LNPK: variants seen among roughly 807,000 people sequenced by gnomAD.
The protein encoded by LNPK is lunapark, ER junction formation factor.
LNPK carries 29 observed loss-of-function variants against 55.2 expected under a neutral mutation model. That is an observed-to-expected ratio of 0.53 (90% confidence interval 0.39 to 0.72). The LOEUF is 0.72. Ranked by LOEUF, LNPK falls within the 30% of genes least tolerant of loss-of-function variation. The pLI is 0.00. For synonymous variants in LNPK, 162 were observed against 168.2 expected, an observed-to-expected ratio of 0.96 and a Z score of 0.29; for missense variants, 467 against 494.8, an observed-to-expected ratio of 0.94 and a Z score of 0.53.
chr2:175,925,344 A>T lies in LNPK; in HGVS notation c.*4623T>A, dbSNP rs991368809. On this transcript the variant is annotated 3_prime_UTR_variant, in exon 13 of 13. Transcript: ENST00000272748. ...CAAGTGGAACGATTCCAATTCAATT[A>T]AACAGCTATTTTTATTTAGTGCCCC... The T allele has an allele frequency of 6.6e-6, 1 of 152,210 alleles. No individual in the cohort carries two copies. The highest frequency in any genetic ancestry group is 2.4e-5 in the African/African-American group (1 of 41,454). The allele number at this position is 152,210 out of a possible 1,614,324, so 9.4% of individuals were successfully genotyped here.
chr2:175,946,550 A>T (rs145048278), intron 9 of LNPK, among the ~76,000 whole-genome samples: 153 of 152,250 alleles, frequency 1.0e-3, no homozygotes, highest in African/African-American at 3.3e-3. Flanking sequence ...CTAAAATCTT[A>T]TGCTGCATTT....
At chr2:175,992,181 A>G (rs1559074870) in intron 4 of LNPK, 50 bp downstream of exon 4, 1 of 1,186,254 alleles carries the variant, frequency 8.4e-7, no homozygotes, top group Admixed American at 2.8e-5. Context: ...ATACATTAAG[A>G]CTCTCTAGTC....
rs1485353826 is a variant in LNPK, at chr2:175,926,847, CAT to C, written c.*3118_*3119del. ...TAACTCTATTTGATTAGATGAGAAA[CAT>C]AAACGGTTTGAATGTTCTGAAGGTT... On this transcript the variant is annotated 3_prime_UTR_variant, in exon 13 of 13. Coordinates refer to ENST00000272748, the MANE Select transcript of LNPK (RefSeq NM_030650.3). The C allele has an allele frequency of 1.3e-5, 2 of 152,126 alleles. No individual in the cohort carries two copies. Among genetic ancestry groups the C allele is most frequent in the Non-Finnish European group, 2.9e-5 (2 of 68,028 alleles). 9.4% of individuals were successfully genotyped at this position (152,126 alleles called of 1,614,324 possible). A position where few individuals can be genotyped will look rare whatever the true frequency, so the allele number is the denominator to read the frequency against.
intron 8 of LNPK, 65 bp from the exon 9 acceptor site, chr2:175,947,757 A>T: frequency 8.7e-7 from 1 of 1,149,696 alleles, no homozygotes; most frequent in Non-Finnish European, 1.2e-6. Context: ...TATCACAAAC[A>T]ATTTATATTT....
intron 8 of LNPK, among the ~76,000 whole-genome samples, chr2:175,951,590 T>TAA (rs1452739132): frequency 3.3e-5 from 3 of 92,218 alleles, no homozygotes; most frequent in Non-Finnish European, 7.3e-5. Context: ...CATTCATATA[T>TAA]ATATATATAT....
At chr2:175,943,432 CCAGA>C (rs1471489722) in intron 9 of LNPK, among the ~76,000 whole-genome samples, 1 of 151,656 alleles carries the variant, frequency 6.6e-6, no homozygotes, top group Non-Finnish European at 1.5e-5. Context: ...GATAACAAAA[CCAGA>C]CAAAGATATG....
At chr2:175,986,832 C>T (rs1468190763) in intron 4 of LNPK, among the ~76,000 whole-genome samples, 1 of 151,474 alleles carries the variant, frequency 6.6e-6, no homozygotes, top group Non-Finnish European at 1.5e-5. Context: ...CAGAATAATG[C>T]CCAATGGTGA....
chr2:175,979,276 T>C (rs887127125), intron 5 of LNPK, among the ~76,000 whole-genome samples: 2 of 152,156 alleles, frequency 1.3e-5, no homozygotes, highest in African/African-American at 4.8e-5. Flanking sequence ...ATGTTTGTTT[T>C]GGTCGGGCAC....
Position 175,923,937 on chromosome 2 carries a change from CT to C in LNPK, c.*6029del, listed in dbSNP as rs1477889388. 6.6e-6 allele frequency: 1 copy of C among 152,072 alleles called. No homozygotes were observed. The highest frequency in any genetic ancestry group is 1.5e-5 in the Non-Finnish European group (1 of 67,982). The allele number at this position is 152,072 out of a possible 1,614,324, so 9.4% of individuals were successfully genotyped here. ...TCTTGTTTGTATTCTAACAAATGTACTTTCTATATTTATATATTTATCTGTC... is the reference window on the plus strand; with the variant it reads ...TCTTGTTTGTATTCTAACAAATGTACTTCTATATTTATATATTTATCTGTC... On this transcript the variant is annotated 3_prime_UTR_variant, in exon 13 of 13. Transcript: ENST00000272748.
intron 8 of LNPK, among the ~76,000 whole-genome samples, chr2:175,960,192 C>T (rs973431666): frequency 6.6e-5 from 10 of 152,304 alleles, no homozygotes; most frequent in Non-Finnish European, 1.5e-4. Flanking sequence ...TTGAACTCAG[C>T]TCTGCACCAA....
At chr2:175,988,636 T>A (rs1687549264) in intron 4 of LNPK, among the ~76,000 whole-genome samples, 1 of 151,950 alleles carries the variant, frequency 6.6e-6, no homozygotes, top group African/African-American at 2.4e-5. Flanking sequence ...ATTACCTTCA[T>A]GTTTAGGCAA....
chr2:175,929,324 A>G lies in LNPK; in HGVS notation c.*643T>C, dbSNP rs1404231403. On this transcript the variant is annotated 3_prime_UTR_variant, in exon 13 of 13. Coordinates refer to ENST00000272748, the MANE Select transcript of LNPK (RefSeq NM_030650.3). ...GCCCAGTTGTAAAATAAAAGACATCAAAAAGAAACACTGCAGTTGACTGTT... is the reference window on the plus strand; with the variant it reads ...GCCCAGTTGTAAAATAAAAGACATCGAAAAGAAACACTGCAGTTGACTGTT... The G allele has an allele frequency of 3.8e-5, 37 of 985,264 alleles. No individual in the cohort carries two copies. The highest frequency in any genetic ancestry group is 4.1e-5 in the Non-Finnish European group (34 of 829,526). 61.0% of individuals were successfully genotyped at this position (985,264 alleles called of 1,614,324 possible).
At chr2:175,962,489 C>G (rs1336579270) in intron 8 of LNPK, among the ~76,000 whole-genome samples, 1 of 152,176 alleles carries the variant, frequency 6.6e-6, no homozygotes, top group East Asian at 1.9e-4. Flanking sequence ...GCTGGGAAAA[C>G]TGGCTAGCCA....
intron 12 of LNPK, among the ~76,000 whole-genome samples, chr2:175,932,685 A>C (rs907163521): frequency 6.6e-6 from 1 of 152,332 alleles, no homozygotes; most frequent in East Asian, 1.9e-4. Flanking sequence ...AATTAAGTGT[A>C]AATGATTAAC....
At chr2:175,934,690 G>A (rs938747172) in intron 12 of LNPK, among the ~76,000 whole-genome samples, 5 of 151,704 alleles carry the variant, frequency 3.3e-5, no homozygotes, top group East Asian at 1.9e-4. Flanking sequence ...ATGTAACTTA[G>A]CAGAGATTCA....
intron 2 of LNPK, among the ~76,000 whole-genome samples, chr2:175,994,721 T>C (rs1687853618): frequency 6.6e-6 from 1 of 151,746 alleles, no homozygotes; most frequent in Admixed American, 6.6e-5. Flanking sequence ...GGTTATATAA[T>C]TTATACAATT....
chr2:175,945,047 T>C (rs1453627261), intron 9 of LNPK, among the ~76,000 whole-genome samples: 1 of 151,654 alleles, frequency 6.6e-6, no homozygotes, highest in Non-Finnish European at 1.5e-5. Context: ...TACAGGCACC[T>C]GCCACCAGGC....
chr2:175,964,397 T>C lies in LNPK; in HGVS notation c.468A>G (p.Ala156=), dbSNP rs774096739. 2 of 1,613,612 alleles carry C rather than the reference T, an allele frequency of 1.2e-6. No homozygotes were observed. The highest frequency in any genetic ancestry group is 4.5e-5 in the East Asian group (2 of 44,870). ...CTTGTCCAGGTCTTGCAGTTACAGC[T>C]GCTCCAGCAGATGGCGGCTCACACT... ...AKECEPPSAG[A]AVTARPGQEI... The change falls in exon 8 of 13, where the codon GCA becomes GCG. Residue 156 remains alanine (A), a synonymous_variant. Transcript: ENST00000272748.
chr2:175,929,465 C>T lies in LNPK; in HGVS notation c.*502G>A. On this transcript the variant is annotated 3_prime_UTR_variant, in exon 13 of 13. Transcript: ENST00000272748. The stretch of plus-strand genomic sequence containing the variant: ...CCAGTGCCTATGTGGTAACAACTTT[C>T]ATACCGCTTAATGTAAACACCTAAA... The T allele has an allele frequency of 1.0e-6, 1 of 987,768 alleles. No homozygotes were observed. The highest frequency in any genetic ancestry group is 1.2e-6 in the Non-Finnish European group (1 of 831,340). 61.2% of individuals were successfully genotyped at this position (987,768 alleles called of 1,614,324 possible).
Sources: allele counts gnomAD v4.1 joint callset (sites outside exome capture counted in the v4.1 genomes callset), GRCh38; gene constraint gnomAD v4.1.1; transcripts MANE v1.5; gene names NCBI Gene and HGNC (gene_info 2026-07-23, HGNC 2026-07-21).